Variants in COQ8A observed in about 807,000 individuals in gnomAD.
The protein encoded by COQ8A is coenzyme Q8A, also known as atypical kinase COQ8A, mitochondrial.
Under a neutral mutation model 65.0 loss-of-function variants are expected in COQ8A, and 51 were observed. The observed-to-expected ratio is 0.78, with a 90% CI of 0.63 to 0.99. The LOEUF (loss-of-function observed/expected upper bound fraction) is 0.99. Ranked by LOEUF, COQ8A falls within the 50% of genes least tolerant of loss-of-function variation. The pLI is 0.00. For missense variants in COQ8A, 940 were observed against 875.0 expected (o/e 1.07, Z -0.94); for synonymous variants, 371 against 353.2 (o/e 1.05, Z -0.57).
At chr1:226,978,231 C>T (rs1659390478) in intron 5 of COQ8A, among the ~76,000 whole-genome samples, 1 of 108,238 alleles carries the variant, frequency 9.2e-6, no homozygotes, top group Non-Finnish European at 2.3e-5. Context: ...CCTCTACACA[C>T]CCACCACACA....
At chr1:226,944,935 G>T (rs1308967920) in intron 1 of COQ8A, among the ~76,000 whole-genome samples, 1 of 152,138 alleles carries the variant, frequency 6.6e-6, no homozygotes, top group African/African-American at 2.4e-5. Context: ...GAGACAGAGA[G>T]GCTGTAGCGC....
intron 1 of COQ8A, among the ~76,000 whole-genome samples, chr1:226,960,331 A>AGGTG (rs1658111546): frequency 1.9e-3 from 2 of 1,062 alleles, no homozygotes; most frequent in African/African-American, 5.0e-3. Flanking sequence ...TGGTGGTATC[A>AGGTG]GTGGTACTTG....
rs749423312 is a variant in COQ8A at position 226,983,533 on chromosome 1, C to T, written c.1081-19C>T. On this transcript the variant is annotated intron_variant, in intron 8 of 14. Transcript: ENST00000366777. Reference sequence around the variant, plus strand: ...CGTCTCCCTGGGCTAACTCCCCTGCCTCACCCATACCCCCACAGTACCCTG... The same window carrying T: ...CGTCTCCCTGGGCTAACTCCCCTGCTTCACCCATACCCCCACAGTACCCTG... 6.2e-6 allele frequency: 10 copies of T among 1,612,228 alleles called. No individual in the cohort carries two copies. The highest frequency in any genetic ancestry group is 8.5e-6 in the Non-Finnish European group (10 of 1,178,704).
At chr1:226,967,990 C>G (rs1658662899) in intron 4 of COQ8A, among the ~76,000 whole-genome samples, 1 of 152,226 alleles carries the variant, frequency 6.6e-6, no homozygotes, top group Admixed American at 6.5e-5. Flanking sequence ...CCAGTTGAAC[C>G]TTTCAAACTG....
intron 11 of COQ8A, 29 bp from the exon 12 acceptor site, chr1:226,984,519 C>T (rs1659952408): frequency 6.3e-7 from 1 of 1,581,948 alleles, no homozygotes. Context: ...GTGGTGCTGC[C>T]TGACACAGAC....
chr1:226,960,276 C>CTTGGTGGTGGTGGT (rs1658092727), intron 1 of COQ8A, among the ~76,000 whole-genome samples: 1 of 13,100 alleles, frequency 7.6e-5, no homozygotes, highest in Non-Finnish European at 1.5e-4. Flanking sequence ...TACTTGGTGG[C>CTTGGTGGTGGTGGT]GGTGGTACTT....
chr1:226,953,082 T>C (rs1250628081), intron 1 of COQ8A, among the ~76,000 whole-genome samples: 2 of 152,192 alleles, frequency 1.3e-5, no homozygotes, highest in Non-Finnish European at 2.9e-5. Flanking sequence ...CAGGCTGGAG[T>C]GCAGTGGCAT....
chr1:226,983,436 G>T, intron 8 of COQ8A, 116 bp from the exon 9 acceptor site: 2 of 960,364 alleles, frequency 2.1e-6, no homozygotes, highest in Non-Finnish European at 3.3e-6. Context: ...GTTCTCCAGG[G>T]TGTGGGCTGG....
intron 4 of COQ8A, among the ~76,000 whole-genome samples, chr1:226,968,597 G>C (rs1325098196): frequency 2.6e-5 from 4 of 152,108 alleles, no homozygotes; most frequent in African/African-American, 4.8e-5. Context: ...GTGTTTTTCA[G>C]GTGCAGACTG....
At chr1:226,968,299 C>T (rs1260172380) in intron 4 of COQ8A, among the ~76,000 whole-genome samples, 1 of 152,158 alleles carries the variant, frequency 6.6e-6, no homozygotes, top group African/African-American at 2.4e-5. Flanking sequence ...TGCGCCACTG[C>T]ACTCCAGTGG....
intron 1 of COQ8A, among the ~76,000 whole-genome samples, chr1:226,957,189 C>G (rs1484524097): frequency 2.7e-5 from 4 of 150,562 alleles, no homozygotes; most frequent in Non-Finnish European, 5.9e-5. Context: ...CTCCCTGACT[C>G]CCGCTCTCCC....
Position 226,982,734 on chromosome 1 carries a change from G to C in COQ8A, c.910G>C (p.Ala304Pro), listed in dbSNP as rs778798354. ...GATCTTCGAGCGGGTGCGGCAGAGC[G>C]CGGACTTCATGCCACTGAAGCAGAT... is the stretch of plus-strand genomic sequence containing the variant. ...AKIFERVRQS[A>P]DFMPLKQMMK... is the part of the protein sequence containing the mutation. The change falls in exon 7 of 15, where the codon GCG becomes CCG. Residue 304 changes from alanine (A) to proline (P), a missense_variant. By Grantham distance (27) the Ala-to-Pro change is conservative. Coordinates refer to ENST00000366777, the MANE Select transcript of COQ8A (RefSeq NM_020247.5). 1.9e-6 allele frequency: 3 copies of C among 1,613,588 alleles called. No homozygotes were observed. Among genetic ancestry groups the C allele is most frequent in the Non-Finnish European group, 2.5e-6 (3 of 1,180,020 alleles).
chr1:226,986,578 G>A lies in COQ8A; in HGVS notation c.1785G>A (p.Leu595=), dbSNP rs2148143309. 6.2e-7 allele frequency: 1 copy of A among 1,613,796 alleles called. No individual in the cohort carries two copies. Among genetic ancestry groups the A allele is most frequent in the Non-Finnish European group, 8.5e-7 (1 of 1,179,942 alleles). The part of the protein sequence containing the change: ...EKIHNLIPVM[L]RHRLVPPPEE... ...TCCACAACCTGATTCCCGTCATGCT[G>A]AGGCACCGTCTCGTCCCCCCACCCG... The change falls in exon 15 of 15, where the codon CTG becomes CTA. Residue 595 remains leucine (L), a synonymous_variant. Transcript: ENST00000366777.
Position 226,977,511 on chromosome 1 carries a change from G to C in COQ8A, c.718G>C (p.Glu240Gln). ...GGTCGCCAAGAAGAGCCTGCGCTCC[G>C]AGGACCCCTCAGGTGAGCCGGGCCC... ...AEVAKKSLRS[E>Q]DPSGKKAVLG... Residue 240 changes from glutamate to glutamine, a missense_variant, in exon 5 of 15, where the codon GAG becomes CAG. Physicochemically the swap from Glu to Gln is conservative, Grantham distance 29. Coordinates refer to ENST00000366777, the MANE Select transcript of COQ8A (RefSeq NM_020247.5). 6.4e-7 allele frequency: 1 copy of C among 1,562,296 alleles called. No individual in the cohort carries two copies. Among genetic ancestry groups the C allele is most frequent in the Non-Finnish European group, 8.7e-7 (1 of 1,153,214 alleles).
rs774158999 is a variant in COQ8A at position 226,984,247 on chromosome 1, C to A, written c.1398+12C>A. ...AGATTCGGAACGAGGTTTGTCTGTG[C>A]CAGCAGACAGGTGGGGCCAGGGTGG... On this transcript the variant is annotated intron_variant, in intron 11 of 14. Transcript: ENST00000366777. 69 of 1,613,154 alleles carry A rather than the reference C, an allele frequency of 4.3e-5. No homozygotes were observed. In the South Asian group the frequency reaches 7.1e-4, roughly 17 times the overall value.
At chr1:226,960,485 TTGG>T (rs1180715002) in intron 1 of COQ8A, among the ~76,000 whole-genome samples, 707 of 11,106 alleles carry the variant, frequency 0.064, 1 homozygote, top group African/African-American at 0.087. Context: ...GCAGTGGTAC[TTGG>T]TGGTGGTGGT....
At chr1:226,954,329 G>T (rs1657560495) in intron 1 of COQ8A, among the ~76,000 whole-genome samples, 1 of 152,264 alleles carries the variant, frequency 6.6e-6, no homozygotes, top group Non-Finnish European at 1.5e-5. Context: ...TCTTAGGAAA[G>T]GGTCTCTGTG....
chr1:226,941,212 C>A (rs1656669588), intron 1 of COQ8A, among the ~76,000 whole-genome samples: 2 of 152,208 alleles, frequency 1.3e-5, no homozygotes, highest in South Asian at 4.1e-4. Context: ...AGTCTTCCAG[C>A]CTGAGTCGGG....
rs1446260869 is a variant in COQ8A, at chr1:226,978,702, TCC to T, written c.730+1180_730+1181del. 9.6e-4 allele frequency among the ~76,000 whole-genome samples: 65 copies of T among 67,706 alleles called. 1 individual carries two copies. The highest frequency in any genetic ancestry group is 2.2e-3 in the African/African-American group (58 of 25,786). The allele number at this position is 67,706 out of a possible 152,430, so 44.4% of individuals were successfully genotyped here. A position where few individuals can be genotyped will look rare whatever the true frequency, so the allele number is the denominator to read the frequency against. On this transcript the variant is annotated intron_variant, in intron 5 of 14. Transcript: ENST00000366777. ...CACACCCTCCACACACCTGCACACC[TCC>T]TTACATCTTCCACACACCCACCTCA...
Sources: gnomAD v4.1 joint callset for allele counts (sites outside exome capture counted in the v4.1 genomes callset) on GRCh38, gnomAD v4.1.1 for gene constraint, MANE v1.5 for transcripts, NCBI Gene and HGNC (gene_info 2026-07-23, HGNC 2026-07-21) for gene names.